SNX29: variants seen among roughly 807,000 people sequenced by gnomAD.
The protein encoded by SNX29 is sorting nexin-29.
In SNX29, 78 loss-of-function variants were observed where a neutral mutation model predicts 102.1. That is an observed-to-expected ratio of 0.76 (90% CI 0.64 to 0.92). The LOEUF is 0.92. Ranked by LOEUF, SNX29 falls within the 40% of genes least tolerant of loss-of-function variation. The pLI is 0.00. For missense variants in SNX29, 1,280 were observed against 1,061.7 expected (o/e 1.21, Z -2.86); for synonymous variants, 580 against 414.5 (o/e 1.40, Z -4.85).
intron 14 of SNX29, among the ~76,000 whole-genome samples, chr16:12,249,812 C>G (rs776073050): frequency 5.1e-4 from 78 of 152,230 alleles, no homozygotes; most frequent in Non-Finnish European, 3.1e-4. Flanking sequence ...CAAAACCCAC[C>G]TGTGTGCTGA....
At chr16:12,007,845 A>G (rs1449131206) in intron 3 of SNX29, among the ~76,000 whole-genome samples, 1 of 152,210 alleles carries the variant, frequency 6.6e-6, no homozygotes. Flanking sequence ...CTTGGGAGAA[A>G]GACCCACGTC....
At chr16:12,370,834 C>T (rs2082655995) in intron 16 of SNX29, among the ~76,000 whole-genome samples, 1 of 152,196 alleles carries the variant, frequency 6.6e-6, no homozygotes, top group East Asian at 1.9e-4. Context: ...TCTGGGCGAC[C>T]AGCACGTTAT....
intron 20 of SNX29, among the ~76,000 whole-genome samples, chr16:12,542,225 G>C (rs191011805): frequency 6.6e-6 from 1 of 152,106 alleles, no homozygotes; most frequent in African/African-American, 2.4e-5. Context: ...AACTCAGAGG[G>C]ATAGGACCTA....
intron 12 of SNX29, among the ~76,000 whole-genome samples, chr16:12,129,298 A>C (rs1052809636): frequency 6.6e-6 from 1 of 152,030 alleles, no homozygotes; most frequent in African/African-American, 2.4e-5. Flanking sequence ...AATGTGCTAC[A>C]CCTTTGAGTG....
intron 18 of SNX29, among the ~76,000 whole-genome samples, chr16:12,408,165 C>A (rs12446374): frequency 0.22 from 15,140 of 69,492 alleles, 1,529 homozygotes; most frequent in East Asian, 0.33. Flanking sequence ...CTCAAAAAAA[C>A]AAACAAACAA....
intron 15 of SNX29, among the ~76,000 whole-genome samples, chr16:12,350,289 C>T (rs891806413): frequency 3.9e-5 from 6 of 152,118 alleles, no homozygotes; most frequent in Admixed American, 2.0e-4. Context: ...AGACTTTTTT[C>T]CTTCTCTTTA....
At chr16:12,524,588 T>A (rs1222187863) in intron 19 of SNX29, 114 bp from the exon 20 acceptor site, 1 of 1,231,860 alleles carries the variant, frequency 8.1e-7, no homozygotes, top group African/African-American at 1.6e-5. Context: ...AGATAGTTGC[T>A]CAATCAGTGT....
chr16:12,124,365 A>AC (rs1249987691), intron 11 of SNX29, among the ~76,000 whole-genome samples: 1 of 151,880 alleles, frequency 6.6e-6, no homozygotes, highest in East Asian at 1.9e-4. Flanking sequence ...CAAAAAAAAA[A>AC]AAAAACTGAT....
chr16:12,063,503 T>G (rs1333166591), intron 9 of SNX29, among the ~76,000 whole-genome samples: 1 of 151,508 alleles, frequency 6.6e-6, no homozygotes, highest in East Asian at 1.9e-4. Flanking sequence ...GCTTCCAGAT[T>G]AGCTGGGATT....
At chr16:12,563,949 G>T (rs2078876025) in intron 20 of SNX29, among the ~76,000 whole-genome samples, 1 of 151,994 alleles carries the variant, frequency 6.6e-6, no homozygotes, top group African/African-American at 2.4e-5. Context: ...TCTTGTTCAA[G>T]AAAGACGAGG....
intron 15 of SNX29, among the ~76,000 whole-genome samples, chr16:12,325,093 C>A (rs890594321): frequency 6.6e-6 from 1 of 152,124 alleles, no homozygotes; most frequent in African/African-American, 2.4e-5. Context: ...AACTGACTTT[C>A]CTTTGCAAAA....
Position 12,098,707 on chromosome 16 carries a change from A to G in SNX29, c.1402+19792A>G, listed in dbSNP as rs1372519450. 6.6e-6 allele frequency among the ~76,000 whole-genome samples: 1 copy of G among 152,222 alleles called. No homozygotes were observed. The highest frequency in any genetic ancestry group is 1.5e-5 in the Non-Finnish European group (1 of 68,034). On this transcript the variant is annotated intron_variant, in intron 11 of 20. Coordinates refer to ENST00000566228, the MANE Select transcript of SNX29 (RefSeq NM_032167.5). This position sits in a 1 kb window ranked among gnomAD's most constrained non-coding sequence, Gnocchi z 6.0. ...CCTCCTCCAGACAGACAGACACGTGAAGATCAAGAGGCTAGCTTTGTCATC... is the reference window on the plus strand; with the variant it reads ...CCTCCTCCAGACAGACAGACACGTGGAGATCAAGAGGCTAGCTTTGTCATC...
At chr16:12,552,534 G>C (rs529672823) in intron 20 of SNX29, among the ~76,000 whole-genome samples, 1 of 152,302 alleles carries the variant, frequency 6.6e-6, no homozygotes, top group South Asian at 2.1e-4. Flanking sequence ...TCATTTCTCA[G>C]TGATGTCCCC....
chr16:12,050,084 C>T (rs2050242022), intron 7 of SNX29, among the ~76,000 whole-genome samples: 1 of 152,198 alleles, frequency 6.6e-6, no homozygotes, highest in African/African-American at 2.4e-5. Flanking sequence ...CCAGCAGAGA[C>T]CCTGCACGAA....
At chr16:12,160,186 C>T (rs907304954) in intron 13 of SNX29, among the ~76,000 whole-genome samples, 2 of 152,180 alleles carry the variant, frequency 1.3e-5, no homozygotes, top group Non-Finnish European at 2.9e-5. Context: ...CACTGTTTGC[C>T]CCATTGCTGG....
intron 19 of SNX29, among the ~76,000 whole-genome samples, chr16:12,501,724 CAAAAA>C (rs59431064): frequency 0.024 from 1,068 of 44,836 alleles, 12 homozygotes; most frequent in African/African-American, 0.074. Flanking sequence ...GACACTGTCT[CAAAAA>C]AAAAAAAAAA....
At chr16:12,326,749 C>G (rs1433826247) in intron 15 of SNX29, among the ~76,000 whole-genome samples, 2 of 78,136 alleles carry the variant, frequency 2.6e-5, no homozygotes, top group Non-Finnish European at 5.1e-5. Context: ...TCTTGGAGTA[C>G]AGTGGATATT....
intron 11 of SNX29, among the ~76,000 whole-genome samples, chr16:12,124,080 G>A (rs369419803): frequency 3.3e-5 from 5 of 152,186 alleles, no homozygotes; most frequent in South Asian, 2.1e-4. Context: ...GTTCAAGCCC[G>A]GGCGCGGGGG....
rs60497742 is a variant in SNX29, at chr16:12,111,154, A to G, written c.1403-15479A>G. Among the ~76,000 whole-genome samples the G allele has an allele frequency of 9.7e-3, 1,483 of 152,234 alleles. 55 individuals carry two copies. In the East Asian group the frequency reaches 0.12, roughly 13 times the overall value. ...GTCTTAATACAATGGCATGTTCACA[A>G]GGGCTACTGAGGCGATCTGCTGCAT... On this transcript the variant is annotated intron_variant, in intron 11 of 20. Coordinates refer to ENST00000566228, the MANE Select transcript of SNX29 (RefSeq NM_032167.5).
Sources: allele counts gnomAD v4.1 joint callset (sites outside exome capture counted in the v4.1 genomes callset), GRCh38; gene constraint gnomAD v4.1.1; non-coding constraint Gnocchi (gnomAD v3.1); transcripts MANE v1.5; gene names NCBI Gene and HGNC (gene_info 2026-07-23, HGNC 2026-07-21).